The following ROBO2 variants were observed in gnomAD, a reference collection of about 807,000 sequenced individuals.
ROBO2 encodes the protein roundabout homolog 2.
ROBO2 carries 53 observed loss-of-function variants against 160.8 expected under a neutral mutation model. The observed-to-expected ratio is 0.33, with a 90% confidence interval of 0.26 to 0.41. ROBO2 has a LOEUF of 0.41. ROBO2 is among the 10% of genes least tolerant of loss of function. The pLI is 1.00. For missense variants in ROBO2, 1,577 were observed against 1,722.4 expected, an observed-to-expected ratio of 0.92 and a Z score of 1.49; for synonymous variants, 664 against 611.7, an observed-to-expected ratio of 1.09 and a Z score of -1.26.
At chr3:77,301,417 C>G (rs1174883832) in intron 2 of ROBO2, among the ~76,000 whole-genome samples, 1 of 151,960 alleles carries the variant, frequency 6.6e-6, no homozygotes, top group East Asian at 1.9e-4. Flanking sequence ...GTGGAGGCTC[C>G]TAACTACTTA....
chr3:76,578,598 C>T (rs2085460836), intron 2 of ROBO2, among the ~76,000 whole-genome samples: 1 of 152,088 alleles, frequency 6.6e-6, no homozygotes, highest in Non-Finnish European at 1.5e-5. Flanking sequence ...TTGGCCTCCA[C>T]GGAGCCTCAT....
At chr3:76,853,225 A>T (rs922426045) in intron 2 of ROBO2, among the ~76,000 whole-genome samples, 1 of 152,068 alleles carries the variant, frequency 6.6e-6, no homozygotes, top group Non-Finnish European at 1.5e-5. Flanking sequence ...ATTTCCAGTA[A>T]TGATAAAAAT....
At chr3:76,519,965 C>T (rs1026549472) in intron 2 of ROBO2, among the ~76,000 whole-genome samples, 1 of 152,152 alleles carries the variant, frequency 6.6e-6, no homozygotes, top group African/African-American at 2.4e-5. Flanking sequence ...AGAACAGACT[C>T]AGAGCACCCA....
At chr3:77,342,404 G>A (rs868690828) in intron 2 of ROBO2, among the ~76,000 whole-genome samples, 10 of 152,066 alleles carry the variant, frequency 6.6e-5, no homozygotes, top group African/African-American at 1.2e-4. Flanking sequence ...AAAACAGACC[G>A]TCTTCTCTGG....
chr3:77,444,857 C>T (rs1426366150), intron 2 of ROBO2, among the ~76,000 whole-genome samples: 2 of 152,140 alleles, frequency 1.3e-5, no homozygotes, highest in African/African-American at 2.4e-5. Context: ...TAGGAGTTGT[C>T]AGCAGACATG....
intron 2 of ROBO2, among the ~76,000 whole-genome samples, chr3:76,113,835 C>G (rs1470820642): frequency 6.6e-6 from 1 of 152,108 alleles, no homozygotes; most frequent in Non-Finnish European, 1.5e-5. Flanking sequence ...TCATAAATGG[C>G]TTGGCGCACT....
In ROBO2 at chr3:77,316,686, T is replaced by A. The variant is rs1465096569; in HGVS notation, c.389-160728T>A. ...ATCCCAGTCATACAATATTAAAAGG[T>A]ACACTAAATTCTGAAGGTAGCTATG... On this transcript the variant is annotated intron_variant, in intron 2 of 25. Coordinates refer to ENST00000461745, the Ensembl canonical transcript of ROBO2. The A allele has an allele frequency of 4.1e-6, 3 of 736,726 alleles. No individual in the cohort carries two copies. In the African/African-American group the frequency reaches 5.2e-5, roughly 13 times the overall value. 45.6% of individuals were successfully genotyped at this position (736,726 alleles called of 1,614,324 possible). A position where few individuals can be genotyped will look rare whatever the true frequency, so the allele number is the denominator to read the frequency against.
At chr3:76,487,544 A>G (rs1432345448) in intron 2 of ROBO2, among the ~76,000 whole-genome samples, 1 of 152,174 alleles carries the variant, frequency 6.6e-6, no homozygotes, top group African/African-American at 2.4e-5. Flanking sequence ...AAGTAAGCCT[A>G]GTGGTCCAGG....
intron 2 of ROBO2, among the ~76,000 whole-genome samples, chr3:76,989,385 A>G (rs1221380724): frequency 2.6e-5 from 4 of 152,126 alleles, no homozygotes; most frequent in Non-Finnish European, 4.4e-5. Flanking sequence ...TAATCACCCT[A>G]TTATGGTCTA....
At chr3:77,266,498 A>G (rs1348213) in intron 2 of ROBO2, among the ~76,000 whole-genome samples, 75,647 of 151,864 alleles carry the variant, frequency 0.5, 20,058 homozygotes, top group Middle Eastern at 0.7. Flanking sequence ...TAGCTGAGGA[A>G]TAGCTGAACA....
chr3:76,869,340 A>ATCTT lies in ROBO2; in HGVS notation c.110-228673_110-228672insCTTT, dbSNP rs1178461363. Among the ~76,000 whole-genome samples the ATCTT allele has an allele frequency of 1.7e-3, 183 of 108,076 alleles. 8 individuals carry two copies. The highest frequency in any genetic ancestry group is 6.3e-3 in the African/African-American group (176 of 27,952). 70.9% of individuals were successfully genotyped at this position (108,076 alleles called of 152,430 possible). ...TATTTTATGTGCCTAGTAGAAATTG[A>ATCTT]TGTTTTTTTTTTTTTTTTTTTTTTT... On this transcript the variant is annotated intron_variant, in intron 2 of 26. Coordinates refer to the ROBO2 transcript ENST00000487694.
chr3:77,438,244 G>A (rs920338165), intron 2 of ROBO2, among the ~76,000 whole-genome samples: 2 of 150,832 alleles, frequency 1.3e-5, no homozygotes, highest in South Asian at 4.2e-4. Flanking sequence ...TAGATTGATA[G>A]ATAGATAGAT....
At chr3:76,865,951 G>T (rs1395556068) in intron 2 of ROBO2, among the ~76,000 whole-genome samples, 2 of 151,924 alleles carry the variant, frequency 1.3e-5, no homozygotes, top group Non-Finnish European at 2.9e-5. Context: ...CATAAAAATC[G>T]AGCTACTTAT....
intron 4 of ROBO2, among the ~76,000 whole-genome samples, chr3:77,482,516 C>A (rs1406485850): frequency 6.6e-6 from 1 of 152,174 alleles, no homozygotes; most frequent in Non-Finnish European, 1.5e-5. Flanking sequence ...GTAACACTCC[C>A]TGTGGCTACT....
At chr3:77,645,348 G>A (rs1277325690) in intron 25 of ROBO2, among the ~76,000 whole-genome samples, 1 of 152,036 alleles carries the variant, frequency 6.6e-6, no homozygotes, top group East Asian at 1.9e-4. Flanking sequence ...GTTGATCTTT[G>A]ATTGTTAATT....
intron 2 of ROBO2, among the ~76,000 whole-genome samples, chr3:76,888,601 T>C (rs1453372322): frequency 2.0e-5 from 3 of 152,306 alleles, no homozygotes; most frequent in Admixed American, 6.5e-5. Flanking sequence ...AGAATTACAA[T>C]TGATATAGTA....
chr3:77,623,754 T>C (rs915956778), intron 23 of ROBO2, among the ~76,000 whole-genome samples: 2 of 152,182 alleles, frequency 1.3e-5, no homozygotes, highest in African/African-American at 4.8e-5. Context: ...CATAATCTCC[T>C]TCAGGGTAAA....
At chr3:77,192,608 A>G (rs1044447090) in intron 2 of ROBO2, among the ~76,000 whole-genome samples, 3 of 151,100 alleles carry the variant, frequency 2.0e-5, no homozygotes, top group Non-Finnish European at 4.4e-5. Context: ...ATTTCTCATT[A>G]AATTTGGAAA....
chr3:76,184,465 T>A (rs76478025), intron 2 of ROBO2, among the ~76,000 whole-genome samples: 3,613 of 152,120 alleles, frequency 0.024, 211 homozygotes, highest in East Asian at 0.2. Context: ...CAAGTCTTGA[T>A]CTCTTCATGG....
Sources: gnomAD v4.1 joint callset for allele counts (sites outside exome capture counted in the v4.1 genomes callset) on GRCh38, gnomAD v4.1.1 for gene constraint, MANE v1.5 for transcripts, NCBI Gene and HGNC (gene_info 2026-07-23, HGNC 2026-07-21) for gene names.